The following CACNA2D3 variants were observed in gnomAD, a reference collection of about 807,000 sequenced individuals.
The protein encoded by CACNA2D3 is voltage-dependent calcium channel subunit alpha-2/delta-3.
Under a neutral mutation model 160.6 loss-of-function variants are expected in CACNA2D3, and 60 were observed. The observed-to-expected ratio is 0.37, with a 90% CI of 0.30 to 0.46. The LOEUF is 0.46. CACNA2D3 is among the 20% of genes least tolerant of loss of function. The probability of loss-of-function intolerance (pLI) is 1.00; values close to 1 mark genes in which losing one functional copy is unlikely to be tolerated. For missense variants in CACNA2D3, 1,205 were observed against 1,365.0 expected, an observed-to-expected ratio of 0.88 and a Z score of 1.85; for synonymous variants, 558 against 492.9, an observed-to-expected ratio of 1.13 and a Z score of -1.75.
chr3:54,145,558 A>G (rs905471498), intron 2 of CACNA2D3, among the ~76,000 whole-genome samples: 1 of 152,228 alleles, frequency 6.6e-6, no homozygotes, highest in African/African-American at 2.4e-5. Context: ...CAGGCTTGTT[A>G]TATGCAGCAG....
At chr3:54,822,284 C>T (rs1268349712) in intron 14 of CACNA2D3, among the ~76,000 whole-genome samples, 1 of 152,174 alleles carries the variant, frequency 6.6e-6, no homozygotes, top group Non-Finnish European at 1.5e-5. Flanking sequence ...ATGAATAAGG[C>T]TATGGTGCTA....
In CACNA2D3 at chr3:54,840,799, C is replaced by T. The variant is rs144902521; in HGVS notation, c.1551+2151C>T. ...GTGCAGTGGCATGATCTCAGCTCAC[C>T]GCAAGCTCCACCTCCTGGGTTCACG... On this transcript the variant is annotated intron_variant, in intron 16 of 37. Coordinates refer to ENST00000474759, the MANE Select transcript of CACNA2D3 (RefSeq NM_018398.3). Among the ~76,000 whole-genome samples, 106 of 144,554 alleles carry T rather than the reference C, an allele frequency of 7.3e-4. No homozygotes were observed. In the East Asian group the frequency reaches 0.016, roughly 22 times the overall value. 94.8% of individuals were successfully genotyped at this position (144,554 alleles called of 152,430 possible). A position where few individuals can be genotyped will look rare whatever the true frequency, so the allele number is the denominator to read the frequency against.
At chr3:54,198,613 A>C (rs1416690490) in intron 2 of CACNA2D3, among the ~76,000 whole-genome samples, 2 of 152,248 alleles carry the variant, frequency 1.3e-5, no homozygotes, top group Non-Finnish European at 2.9e-5. Flanking sequence ...CTGCTTTGGC[A>C]CTGAGCCTCG....
intron 2 of CACNA2D3, among the ~76,000 whole-genome samples, chr3:54,139,874 A>G (rs1393455044): frequency 1.3e-5 from 2 of 152,202 alleles, no homozygotes; most frequent in African/African-American, 4.8e-5. Flanking sequence ...TGAGAGGCTT[A>G]GGGGAAATGC....
intron 2 of CACNA2D3, among the ~76,000 whole-genome samples, chr3:54,141,076 T>C (rs1699918576): frequency 8.2e-6 from 1 of 122,454 alleles, no homozygotes; most frequent in Admixed American, 8.4e-5. Context: ...TGTGTGTGTG[T>C]GTGTGTGTGT....
chr3:54,327,778 G>A (rs1480444076), intron 3 of CACNA2D3, among the ~76,000 whole-genome samples: 1 of 152,086 alleles, frequency 6.6e-6, no homozygotes, highest in Non-Finnish European at 1.5e-5. Context: ...CAGCATCTTA[G>A]TTTTTGTCCT....
chr3:54,262,025 G>A (rs77376569), intron 2 of CACNA2D3, among the ~76,000 whole-genome samples: 2,597 of 152,258 alleles, frequency 0.017, 70 homozygotes, highest in African/African-American at 0.059. Context: ...GTTGGGGATA[G>A]GGGTTTTGGG....
chr3:54,583,256 C>G (rs906115364), intron 9 of CACNA2D3, among the ~76,000 whole-genome samples: 11 of 152,006 alleles, frequency 7.2e-5, no homozygotes, highest in African/African-American at 2.7e-4. Flanking sequence ...CAGATTGCTT[C>G]CCAGAGGAAC....
intron 15 of CACNA2D3, among the ~76,000 whole-genome samples, chr3:54,837,880 C>T (rs1039081652): frequency 4.6e-5 from 7 of 152,122 alleles, no homozygotes; most frequent in Non-Finnish European, 1.0e-4. Context: ...TCTCAAGATC[C>T]TTAACAATTA....
intron 2 of CACNA2D3, among the ~76,000 whole-genome samples, chr3:54,316,364 C>T (rs946690767): frequency 6.6e-6 from 1 of 152,126 alleles, no homozygotes. Context: ...CTTTGTTCTT[C>T]AGAATCTTTT....
intron 9 of CACNA2D3, among the ~76,000 whole-genome samples, chr3:54,599,926 C>A (rs1703031849): frequency 1.3e-5 from 2 of 152,206 alleles, no homozygotes; most frequent in Admixed American, 1.3e-4. Context: ...GATCCCTGAG[C>A]CTGGGGAGGA....
At chr3:54,295,798 A>G (rs1443856755) in intron 2 of CACNA2D3, among the ~76,000 whole-genome samples, 1 of 152,174 alleles carries the variant, frequency 6.6e-6, no homozygotes, top group Non-Finnish European at 1.5e-5. Flanking sequence ...ATTGTGAGGG[A>G]TCCGTAGCTT....
chr3:54,168,292 G>A (rs999083991), intron 2 of CACNA2D3, among the ~76,000 whole-genome samples: 3 of 152,158 alleles, frequency 2.0e-5, no homozygotes, highest in Admixed American at 6.5e-5. Flanking sequence ...ACTTCCATTC[G>A]CTTGGGCTAA....
chr3:54,944,396 G>GTATT (rs542683931), intron 27 of CACNA2D3, among the ~76,000 whole-genome samples: 13,719 of 148,556 alleles, frequency 0.092, 657 homozygotes, highest in East Asian at 0.13. Flanking sequence ...ATTTCCCAGG[G>GTATT]TATTTATTTA....
intron 31 of CACNA2D3, among the ~76,000 whole-genome samples, chr3:54,989,767 A>G (rs1204714870): frequency 6.6e-6 from 1 of 152,156 alleles, no homozygotes; most frequent in Non-Finnish European, 1.5e-5. Context: ...TTTGTTGTCG[A>G]TCTTTGTTCT....
intron 6 of CACNA2D3, among the ~76,000 whole-genome samples, chr3:54,568,978 G>T (rs950591512): frequency 8.5e-5 from 13 of 152,194 alleles, no homozygotes; most frequent in Non-Finnish European, 1.5e-4. Context: ...CGATATTTCT[G>T]TTTTTATTTT....
chr3:54,232,091 A>G (rs1282874307), intron 2 of CACNA2D3, among the ~76,000 whole-genome samples: 2 of 152,204 alleles, frequency 1.3e-5, no homozygotes, highest in South Asian at 4.1e-4. Context: ...ACACATGTGT[A>G]TATGTGCATA....
intron 11 of CACNA2D3, among the ~76,000 whole-genome samples, chr3:54,687,128 T>TTTTG (rs1700470954): frequency 5.4e-5 from 3 of 55,250 alleles, no homozygotes; most frequent in East Asian, 2.7e-4. Context: ...TTTCTTTTTT[T>TTTTG]TTTTTTGTTT....
chr3:54,856,025 C>T (rs1389760793), intron 17 of CACNA2D3, among the ~76,000 whole-genome samples: 18 of 152,220 alleles, frequency 1.2e-4, no homozygotes, highest in Admixed American at 1.2e-3. Context: ...TCTGGGCTCC[C>T]CACGACATTG....
Sources: gnomAD v4.1 joint callset for allele counts (sites outside exome capture counted in the v4.1 genomes callset) on GRCh38, gnomAD v4.1.1 for gene constraint, MANE v1.5 for transcripts, NCBI Gene and HGNC (gene_info 2026-07-23, HGNC 2026-07-21) for gene names.